TRIM62: variants seen among roughly 807,000 people sequenced by gnomAD.
TRIM62 encodes E3 ubiquitin-protein ligase TRIM62.
Under a neutral mutation model 44.2 loss-of-function variants are expected in TRIM62, and 39 were observed. That is an observed-to-expected ratio of 0.88 (90% CI 0.68 to 1.15). The LOEUF is 1.15. Among genes scored for constraint, TRIM62 ranks in the 50% most tolerant of loss-of-function variants. The pLI, the probability that TRIM62 is intolerant of heterozygous loss-of-function variation, is 0.00. For missense variants in TRIM62, 544 were observed against 665.5 expected, an observed-to-expected ratio of 0.82 and a Z score of 2.01; for synonymous variants, 278 against 292.3, an observed-to-expected ratio of 0.95 and a Z score of 0.50.
chr1:33,164,698 C>G (rs1295520576), intron 2 of TRIM62: 1 of 152,226 alleles, frequency 6.6e-6, no homozygotes, highest in Non-Finnish European at 1.5e-5. Context: ...GGAGATGATA[C>G]CAGGGCTGGG....
intron 4 of TRIM62, among the ~76,000 whole-genome samples, chr1:33,152,289 G>A (rs1188240278): frequency 6.6e-6 from 1 of 152,218 alleles, no homozygotes; most frequent in African/African-American, 2.4e-5. Flanking sequence ...GGGGAGGCTG[G>A]GCTTGGTGGC....
chr1:33,175,864 A>G (rs566397916), intron 1 of TRIM62, among the ~76,000 whole-genome samples: 3 of 152,282 alleles, frequency 2.0e-5, no homozygotes, highest in Admixed American at 6.5e-5. Flanking sequence ...ATAATTTTAT[A>G]GAGTCATTGT....
Position 33,146,004 on chromosome 1 carries a change from G to A in TRIM62, c.*1173C>T. On this transcript the variant is annotated 3_prime_UTR_variant, in exon 5 of 5. Coordinates refer to ENST00000291416, the MANE Select transcript of TRIM62 (RefSeq NM_018207.3). The stretch of plus-strand genomic sequence containing the variant: ...GCAGGCCTCAGGACATCTATTGGCT[G>A]GCACGGACCGTGGCAGAGGGAGCCT... 1 of 443,908 alleles carries A rather than the reference G, an allele frequency of 2.3e-6. No individual in the cohort carries two copies. The highest frequency in any genetic ancestry group is 1.6e-5 in the South Asian group (1 of 61,012). The allele number at this position is 443,908 out of a possible 1,614,324, so 27.5% of individuals were successfully genotyped here.
Position 33,159,883 on chromosome 1 carries a change from AGCAGCCGGT to A in TRIM62, c.557_565del (p.His186_Leu188del). Reference sequence around the variant, plus strand: ...TAGCATGGCCTTCTGGCGTTCACGCAGCAGCCGGTGCAGCCGCTCGAAGGCCTCGCCGAT... The same window carrying A: ...TAGCATGGCCTTCTGGCGTTCACGCAGCAGCCGCTCGAAGGCCTCGCCGAT... On this transcript the variant is annotated inframe_deletion, in exon 3 of 5. Transcript: ENST00000291416. The surrounding 1 kb of genome is among the most constrained non-coding windows in gnomAD (Gnocchi z 4.2). 1.2e-6 allele frequency: 2 copies of A among 1,611,684 alleles called. No homozygotes were observed.
intron 4 of TRIM62, among the ~76,000 whole-genome samples, chr1:33,155,063 A>G (rs1314774379): frequency 7.2e-6 from 1 of 139,202 alleles, no homozygotes; most frequent in African/African-American, 2.6e-5. Context: ...ACTGCACTCC[A>G]GCCTGGGCGA....
rs1425571085 is a variant in TRIM62 at position 33,167,810 on chromosome 1, A to G, written c.409-2244T>C. On this transcript the variant is annotated intron_variant, in intron 1 of 4. Transcript: ENST00000291416. This position sits in a 1 kb window ranked among gnomAD's most constrained non-coding sequence, Gnocchi z 4.2. ...TAGGCAGCAACATGGGAAAATATTC[A>G]TGATGACATGCTGATGGAAGAATGC... is the stretch of plus-strand genomic sequence containing the variant. 6.6e-6 allele frequency among the ~76,000 whole-genome samples: 1 copy of G among 152,230 alleles called. No homozygotes were observed. Among genetic ancestry groups the G allele is most frequent in the Admixed American group, 6.5e-5 (1 of 15,284 alleles).
chr1:33,177,284 CA>C lies in TRIM62; in HGVS notation c.408+3740del, dbSNP rs1330218687. Reference sequence around the variant, plus strand: ...GTTAATTTTATAATCAGAATAAAGACATTTAAAAATAGTTTTGGGGTGCCTA... The same window carrying C: ...GTTAATTTTATAATCAGAATAAAGACTTTAAAAATAGTTTTGGGGTGCCTA... On this transcript the variant is annotated intron_variant, in intron 1 of 4. Coordinates refer to ENST00000291416, the MANE Select transcript of TRIM62 (RefSeq NM_018207.3). The surrounding 1 kb of genome is among the most constrained non-coding windows in gnomAD (Gnocchi z 4.1). Among the ~76,000 whole-genome samples the C allele has an allele frequency of 1.3e-5, 2 of 152,154 alleles. No individual in the cohort carries two copies. Among genetic ancestry groups the C allele is most frequent in the Non-Finnish European group, 2.9e-5 (2 of 68,030 alleles).
In TRIM62 at chr1:33,147,359, C is replaced by T; in HGVS notation, c.1246G>A (p.Val416Met). The T allele has an allele frequency of 6.2e-7, 1 of 1,614,198 alleles. No homozygotes were observed. Residue 416 changes from valine to methionine, a missense_variant, in exon 5 of 5, where the codon GTG (valine) becomes ATG (methionine). Coordinates refer to ENST00000291416, the MANE Select transcript of TRIM62 (RefSeq NM_018207.3). This position sits in a 1 kb window ranked among gnomAD's most constrained non-coding sequence, Gnocchi z 8.1. The stretch of plus-strand genomic sequence containing the variant: ...TGGTCATAGTCCAGGAAGACACCCA[C>T]CTTGTCAAGCTTGTCCCGGACGTTA... ...RLNVRDKLDK[V>M]GVFLDYDQGL...
At chr1:33,158,982 A>C (rs1256015769) in intron 3 of TRIM62, among the ~76,000 whole-genome samples, 2 of 152,040 alleles carry the variant, frequency 1.3e-5, no homozygotes, top group Non-Finnish European at 2.9e-5. Context: ...CTGGGACTAC[A>C]GGTGCCTGCC....
chr1:33,169,800 A>G (rs1036440606), intron 1 of TRIM62, among the ~76,000 whole-genome samples: 9 of 152,224 alleles, frequency 5.9e-5, no homozygotes, highest in Non-Finnish European at 1.3e-4. Context: ...CTGCTGTATC[A>G]GACAGTGCAG....
At position 33,161,004 on chromosome 1, in the gene TRIM62, G is replaced by A. The variant is rs987167843; in HGVS notation, c.505-1060C>T. Among the ~76,000 whole-genome samples, 5 of 152,222 alleles carry A rather than the reference G, an allele frequency of 3.3e-5. No individual in the cohort carries two copies. Among genetic ancestry groups the A allele is most frequent in the African/African-American group, 9.6e-5 (4 of 41,456 alleles). The stretch of plus-strand genomic sequence containing the variant: ...ACAGGTTTGGTGCCTGACAGTCTGC[G>A]TAAGGACTCTAGCTCTGGGTCTCTA... On this transcript the variant is annotated intron_variant, in intron 2 of 4. Transcript: ENST00000291416. This position sits in a 1 kb window ranked among gnomAD's most constrained non-coding sequence, Gnocchi z 4.3.
chr1:33,169,449 C>T (rs901199745), intron 1 of TRIM62, among the ~76,000 whole-genome samples: 1 of 152,208 alleles, frequency 6.6e-6, no homozygotes, highest in African/African-American at 2.4e-5. Flanking sequence ...TCCTCCCTGC[C>T]TCTAGCTCTC....
chr1:33,162,618 G>A (rs955867702), intron 2 of TRIM62, among the ~76,000 whole-genome samples: 2 of 152,208 alleles, frequency 1.3e-5, no homozygotes, highest in Non-Finnish European at 2.9e-5. Context: ...TTGCTCCGTA[G>A]AGCTGGGTGC....
intron 1 of TRIM62, among the ~76,000 whole-genome samples, chr1:33,168,828 T>C (rs1265429793): frequency 6.6e-6 from 1 of 152,122 alleles, no homozygotes; most frequent in Non-Finnish European, 1.5e-5. Flanking sequence ...AGTGCTACAA[T>C]TCTCCCCCTG....
At position 33,161,105 on chromosome 1, in the gene TRIM62, T is replaced by C. The variant is rs1291146039; in HGVS notation, c.505-1161A>G. The stretch of plus-strand genomic sequence containing the variant: ...TGTGAAAGGAGTAACAAAAACTGCA[T>C]TGTAGGATTGTGGTGAAGATGAAAT... On this transcript the variant is annotated intron_variant, in intron 2 of 4. Coordinates refer to ENST00000291416, the MANE Select transcript of TRIM62 (RefSeq NM_018207.3). The surrounding 1 kb of genome is among the most constrained non-coding windows in gnomAD (Gnocchi z 4.3). 1.3e-5 allele frequency among the ~76,000 whole-genome samples: 2 copies of C among 152,166 alleles called. No homozygotes were observed. The highest frequency in any genetic ancestry group is 4.8e-5 in the African/African-American group (2 of 41,440).
intron 4 of TRIM62, among the ~76,000 whole-genome samples, chr1:33,150,097 C>A (rs1305136666): frequency 6.6e-6 from 1 of 152,218 alleles, no homozygotes; most frequent in Non-Finnish European, 1.5e-5. Context: ...GAGCTGATAA[C>A]TGGCCAGAGG....
intron 4 of TRIM62, among the ~76,000 whole-genome samples, chr1:33,149,480 G>C (rs1645067220): frequency 6.6e-6 from 1 of 151,630 alleles, no homozygotes; most frequent in Non-Finnish European, 1.5e-5. Context: ...ATACAGACAG[G>C]GTCTCACTCT....
Position 33,147,233 on chromosome 1 carries a change from T to C in TRIM62, c.1372A>G (p.Ser458Gly). The stretch of plus-strand genomic sequence containing the variant: ...TGAACGTTCTTGCCATTGGCGTGGC[T>C]CTGGCCAGGGCTGAAGTAAGAGCAG... ...KLCSYFSPGQ[S>G]HANGKNVQPL... Residue 458 changes from serine to glycine, a missense_variant, in exon 5 of 5, where the codon AGC becomes GGC. Physicochemically the swap from Ser to Gly is moderately conservative, Grantham distance 56. Transcript: ENST00000291416. The surrounding 1 kb of genome is among the most constrained non-coding windows in gnomAD (Gnocchi z 8.1). The C allele has an allele frequency of 1.2e-6, 2 of 1,614,008 alleles. No homozygotes were observed. The highest frequency in any genetic ancestry group is 1.7e-6 in the Non-Finnish European group (2 of 1,180,028).
In TRIM62 at chr1:33,159,874, C is replaced by A. The variant is rs762636288; in HGVS notation, c.575G>T (p.Arg192Leu). 3 of 1,612,216 alleles carry A rather than the reference C, an allele frequency of 1.9e-6. No individual in the cohort carries two copies. In the African/African-American group the frequency reaches 4.0e-5, roughly 22 times the overall value. ...CAGCTCCTCTAGCATGGCCTTCTGG[C>A]GTTCACGCAGCAGCCGGTGCAGCCG... ...FERLHRLLRERQKAMLEELEA... is the reference protein window; with the variant it reads ...FERLHRLLRELQKAMLEELEA... The change falls in exon 3 of 5, where the codon CGC becomes CTC. Residue 192 changes from arginine (R) to leucine (L), a missense_variant. Transcript: ENST00000291416. The surrounding 1 kb of genome is among the most constrained non-coding windows in gnomAD (Gnocchi z 4.2).
Sources: gnomAD v4.1 joint callset for allele counts (sites outside exome capture counted in the v4.1 genomes callset) on GRCh38, gnomAD v4.1.1 for gene constraint, Gnocchi (gnomAD v3.1) non-coding constraint, MANE v1.5 for transcripts, NCBI Gene and HGNC (gene_info 2026-07-23, HGNC 2026-07-21) for gene names.